Variants in XYLB observed in about 807,000 individuals in gnomAD.
The protein encoded by XYLB is xylulose kinase.
A neutral mutation model predicts 78.7 loss-of-function variants in XYLB; 62 were observed. The observed-to-expected ratio is 0.79, with a 90% CI of 0.64 to 0.97. XYLB has a LOEUF of 0.97. XYLB is among the 50% of genes least tolerant of loss of function. The probability of loss-of-function intolerance (pLI) is 0.00; values close to 1 mark genes in which losing one functional copy is unlikely to be tolerated. For synonymous variants in XYLB, 245 were observed against 247.4 expected (o/e 0.99, Z 0.09); for missense variants, 687 against 676.8 (o/e 1.02, Z -0.17).
intron 17 of XYLB, among the ~76,000 whole-genome samples, chr3:38,400,217 A>G (rs1432064198): frequency 6.6e-6 from 1 of 152,158 alleles, no homozygotes; most frequent in Non-Finnish European, 1.5e-5. Flanking sequence ...ATGGTGTGCT[A>G]GGCACCATGG....
intron 15 of XYLB, among the ~76,000 whole-genome samples, chr3:38,386,082 G>T (rs73825560): frequency 6.6e-6 from 1 of 152,122 alleles, no homozygotes. Context: ...CCAACACCAT[G>T]GGGTTCATTC....
chr3:38,442,767 G>A, the XYLB span, among the ~76,000 whole-genome samples: 4 of 105,250 alleles, frequency 3.8e-5, no homozygotes, highest in Admixed American at 1.4e-4. Context: ...GCTTTTAAAT[G>A]TCTAACAATA....
intron 8 of XYLB, among the ~76,000 whole-genome samples, chr3:38,369,528 G>A (rs1706435944): frequency 6.6e-6 from 1 of 152,164 alleles, no homozygotes; most frequent in Admixed American, 6.5e-5. Context: ...TGGCCCAGTG[G>A]AGGAGGAGTT....
At chr3:38,410,202 C>T (rs536151073) in intron 18 of XYLB, among the ~76,000 whole-genome samples, 45 of 152,300 alleles carry the variant, frequency 3.0e-4, no homozygotes, top group Admixed American at 9.1e-4. Context: ...ATCAATGGAA[C>T]AGAACAGAGC....
the XYLB span, among the ~76,000 whole-genome samples, chr3:38,434,014 CATGAT>C: frequency 1.1e-4 from 16 of 152,202 alleles, no homozygotes; most frequent in African/African-American, 3.6e-4. Flanking sequence ...AACTTACAAT[CATGAT>C]AGAAGACACC....
rs192706888 is a variant in XYLB, at chr3:38,377,136, T to C, written c.1194+145T>C. ...CATACACACTTGTGGTGTGCCAGGG[T>C]GCATTCTAGATCCTGGGGAATCTGC... On this transcript the variant is annotated intron_variant, in intron 14 of 18. Coordinates refer to ENST00000207870, the MANE Select transcript of XYLB (RefSeq NM_005108.4). 3.2e-4 allele frequency: 236 copies of C among 728,948 alleles called. No homozygotes were observed. In the African/African-American group the frequency reaches 3.6e-3, roughly 11 times the overall value. 45.2% of individuals were successfully genotyped at this position (728,948 alleles called of 1,614,324 possible).
At chr3:38,346,948 C>T in intron 1 of XYLB, 23 bp downstream of exon 1, 1 of 1,448,474 alleles carries the variant, frequency 6.9e-7, no homozygotes, top group Non-Finnish European at 9.1e-7. Context: ...GGCCGCAGGG[C>T]CACGGGGCCG....
chr3:38,427,799 G>A, the XYLB span, among the ~76,000 whole-genome samples: 2 of 152,068 alleles, frequency 1.3e-5, no homozygotes, highest in African/African-American at 4.8e-5. Flanking sequence ...ATCATGTTGG[G>A]CAGGCTGGTC....
At chr3:38,382,173 C>T (rs1050832585) in intron 15 of XYLB, among the ~76,000 whole-genome samples, 4 of 152,130 alleles carry the variant, frequency 2.6e-5, no homozygotes, top group Admixed American at 1.3e-4. Flanking sequence ...TGGTGAAACC[C>T]CTTCTCTACA....
chr3:38,375,668 C>G (rs28470623), intron 12 of XYLB, among the ~76,000 whole-genome samples: 4,031 of 152,250 alleles, frequency 0.026, 170 homozygotes, highest in African/African-American at 0.089. Flanking sequence ...TGCCTCCCGA[C>G]GGCTCTCATG....
At chr3:38,443,789 G>T in the XYLB span, among the ~76,000 whole-genome samples, 4 of 150,260 alleles carry the variant, frequency 2.7e-5, no homozygotes, top group Admixed American at 2.7e-4. Context: ...AAGGCCTCCT[G>T]TAGATGCTCA....
chr3:38,347,817 G>A (rs1481451011), intron 1 of XYLB, among the ~76,000 whole-genome samples: 1 of 152,220 alleles, frequency 6.6e-6, no homozygotes, highest in African/African-American at 2.4e-5. Context: ...CCAACGCCCT[G>A]CAGACAGGCA....
chr3:38,383,785 C>T (rs2125621995), intron 15 of XYLB, among the ~76,000 whole-genome samples: 1 of 152,120 alleles, frequency 6.6e-6, no homozygotes, highest in East Asian at 1.9e-4. Flanking sequence ...AGAGCGAGAC[C>T]ATGTCTCAAA....
the XYLB span, among the ~76,000 whole-genome samples, chr3:38,428,687 T>C: frequency 2.6e-5 from 4 of 152,228 alleles, no homozygotes; most frequent in South Asian, 6.2e-4. Context: ...TCATTTAAAT[T>C]TTAATCTTCT....
rs754325603 is a variant in XYLB at position 38,365,755 on chromosome 3, G to A, written c.507+19G>A. The A allele has an allele frequency of 1.2e-6, 2 of 1,601,778 alleles. No homozygotes were observed. Among genetic ancestry groups the A allele is most frequent in the African/African-American group, 1.3e-5 (1 of 74,850 alleles). ...CTATGAGGTAGGCTGAGGATGCGGG[G>A]GGTGCAGGGGGTGGTCTGGTTGCAA... On this transcript the variant is annotated intron_variant, in intron 6 of 18. Transcript: ENST00000207870.
At chr3:38,382,811 C>T (rs1707211289) in intron 15 of XYLB, among the ~76,000 whole-genome samples, 1 of 152,238 alleles carries the variant, frequency 6.6e-6, no homozygotes, top group Admixed American at 6.5e-5. Context: ...TATTCCCAGC[C>T]TCTAAGGCAT....
chr3:38,361,077 G>T (rs916526396), intron 3 of XYLB, among the ~76,000 whole-genome samples: 6 of 152,126 alleles, frequency 3.9e-5, no homozygotes, highest in African/African-American at 1.4e-4. Flanking sequence ...AGCCCTTAGG[G>T]TCTTAGTGCT....
chr3:38,387,603 C>A (rs1370840872), intron 15 of XYLB, among the ~76,000 whole-genome samples: 1 of 152,122 alleles, frequency 6.6e-6, no homozygotes, highest in Non-Finnish European at 1.5e-5. Context: ...AACTCCTGAC[C>A]TCAGGTGATC....
chr3:38,404,914 A>G (rs1172465613), intron 18 of XYLB, among the ~76,000 whole-genome samples: 1 of 152,238 alleles, frequency 6.6e-6, no homozygotes, highest in Admixed American at 6.5e-5. Flanking sequence ...ACTTGTGTTT[A>G]CTTGCGAGTC....
Sources: allele counts gnomAD v4.1 joint callset (sites outside exome capture counted in the v4.1 genomes callset), GRCh38; gene constraint gnomAD v4.1.1; transcripts MANE v1.5; gene names NCBI Gene and HGNC (gene_info 2026-07-23, HGNC 2026-07-21).